Variants in CHRNB4 observed in about 807,000 individuals in gnomAD.
CHRNB4 encodes cholinergic receptor nicotinic beta 4 subunit, also known as neuronal acetylcholine receptor subunit beta-4.
CHRNB4 carries 23 observed loss-of-function variants against 40.4 expected under a neutral mutation model. The ratio of observed to expected loss-of-function variants is 0.57; its 90% CI spans 0.41 to 0.81. The LOEUF (loss-of-function observed/expected upper bound fraction) is 0.81. Ranked by LOEUF, CHRNB4 falls within the 30% of genes least tolerant of loss-of-function variation. CHRNB4 has a pLI of 0.00. For synonymous variants in CHRNB4, 285 were observed against 274.4 expected, an observed-to-expected ratio of 1.04 and a Z score of -0.38; for missense variants, 568 against 670.6, an observed-to-expected ratio of 0.85 and a Z score of 1.69.
chr15:78,654,276 T>C (rs1477956940), intron 5 of CHRNB4, among the ~76,000 whole-genome samples: 1 of 152,246 alleles, frequency 6.6e-6, no homozygotes, highest in Non-Finnish European at 1.5e-5. Flanking sequence ...TAAGGGCAGA[T>C]GTTGATTTTT....
At chr15:78,625,870 T>G (rs1035919093) in intron 5 of CHRNB4, 1 of 152,338 alleles carries the variant, frequency 6.6e-6, no homozygotes, top group Non-Finnish European at 1.5e-5. Flanking sequence ...TCTTCTTAGA[T>G]CCTGCTGCGG....
rs562884014 is a variant in CHRNB4 at position 78,639,423 on chromosome 15, C to T, written c.55+1656G>A. 2.2e-4 allele frequency among the ~76,000 whole-genome samples: 34 copies of T among 152,212 alleles called. No individual in the cohort carries two copies. The South Asian group carries it at 6.4e-3, about 29-fold the overall frequency. The stretch of plus-strand genomic sequence containing the variant: ...ATGCCATTCTCCTACCTCAGCCTCC[C>T]GAGTAGCTGGGACTACAGGCGCCTG... On this transcript the variant is annotated intron_variant, in intron 1 of 5. Transcript: ENST00000261751.
At chr15:78,625,378 G>A in intron 5 of CHRNB4, 87 bp from the exon 6 acceptor site, 1 of 1,288,936 alleles carries the variant, frequency 7.8e-7, no homozygotes, top group East Asian at 2.3e-5. Context: ...TCTGGCCAGG[G>A]ACTCCACAGG....
intron 1 of CHRNB4, among the ~76,000 whole-genome samples, chr15:78,658,993 T>A (rs2054233542): frequency 2.0e-5 from 3 of 152,216 alleles, no homozygotes; most frequent in Admixed American, 2.0e-4. Context: ...TTTATTACTT[T>A]ATTCACATAC....
chr15:78,630,121 G>C (rs2053768917), intron 4 of CHRNB4, among the ~76,000 whole-genome samples, 176 bp from the exon 5 acceptor site: 1 of 148,526 alleles, frequency 6.7e-6, no homozygotes, highest in African/African-American at 2.5e-5. Context: ...GGTGGAGAGA[G>C]CCCTAACATC....
At chr15:78,627,578 C>G (rs1449776864) in intron 5 of CHRNB4, 1 of 152,144 alleles carries the variant, frequency 6.6e-6, no homozygotes, top group African/African-American at 2.4e-5. Context: ...AAGAATGAGA[C>G]GTCCACTTTT....
intron 5 of CHRNB4, among the ~76,000 whole-genome samples, chr15:78,654,858 G>A (rs1023518801): frequency 1.3e-5 from 2 of 152,108 alleles, no homozygotes; most frequent in Non-Finnish European, 2.9e-5. Flanking sequence ...AAGACCCCCT[G>A]TACTTCCTCC....
At chr15:78,654,770 C>T (rs1030865572) in intron 5 of CHRNB4, among the ~76,000 whole-genome samples, 2 of 152,134 alleles carry the variant, frequency 1.3e-5, no homozygotes, top group East Asian at 3.8e-4. Flanking sequence ...AAATGTTCAG[C>T]TAAATGAATT....
intron 7 of CHRNB4, among the ~76,000 whole-genome samples, chr15:78,646,665 C>A (rs913958843): frequency 9.2e-5 from 14 of 152,186 alleles, no homozygotes; most frequent in African/African-American, 3.1e-4. Flanking sequence ...AGGCAACTCT[C>A]CTGCATCTCT....
At position 78,629,087 on chromosome 15, in the gene CHRNB4, C is replaced by T. The variant is rs1179162508; in HGVS notation, c.1218G>A (p.Val406=). The change falls in exon 5 of 6, where the codon GTG becomes GTA. Residue 406 remains valine (V), a synonymous_variant. Transcript: ENST00000261751. This position sits in a 1 kb window ranked among gnomAD's most constrained non-coding sequence, Gnocchi z 6.8. ...ASKSPAGSTP[V]AIPRDFWLRS... Reference sequence around the variant, plus strand: ...GCAGCCAGAAATCCCTGGGGATAGCCACCGGGGTAGAGCCGGCTGGAGACT... The same window carrying T: ...GCAGCCAGAAATCCCTGGGGATAGCTACCGGGGTAGAGCCGGCTGGAGACT... The T allele has an allele frequency of 1.2e-6, 2 of 1,614,084 alleles. No homozygotes were observed. The highest frequency in any genetic ancestry group is 1.7e-6 in the Non-Finnish European group (2 of 1,180,046).
chr15:78,651,051 C>G (rs1320786181), intron 6 of CHRNB4, among the ~76,000 whole-genome samples: 2 of 152,038 alleles, frequency 1.3e-5, no homozygotes, highest in Non-Finnish European at 2.9e-5. Context: ...TGGCACAGGT[C>G]CAGTTGAAGG....
chr15:78,628,589 G>A (rs1294066525), intron 5 of CHRNB4, among the ~76,000 whole-genome samples: 1 of 152,074 alleles, frequency 6.6e-6, no homozygotes, highest in African/African-American at 2.4e-5. Context: ...GTTCCCACGG[G>A]TCTGCAAGGG....
rs1216370879 is a variant in CHRNB4, at chr15:78,625,184, G to A, written c.1446C>T (p.Leu482=). The change falls in exon 6 of 6, where the codon CTC becomes CTT. Residue 482 remains leucine, a synonymous_variant. Coordinates refer to ENST00000261751, the MANE Select transcript of CHRNB4 (RefSeq NM_000750.5). The part of the protein sequence containing the change: ...LGTVGLFLPP[L]FQTHAASEGP... ...CCTCAGAAGCTGCATGGGTCTGGAA[G>A]AGGGGCGGTAGGAAGAGCCCCACAG... 2 of 1,612,208 alleles carry A rather than the reference G, an allele frequency of 1.2e-6. No individual in the cohort carries two copies. Among genetic ancestry groups the A allele is most frequent in the Admixed American group, 1.7e-5 (1 of 59,462 alleles).
At chr15:78,633,645 C>T (rs907010435) in intron 2 of CHRNB4, among the ~76,000 whole-genome samples, 1 of 152,154 alleles carries the variant, frequency 6.6e-6, no homozygotes, top group Non-Finnish European at 1.5e-5. Flanking sequence ...CCCTGCATAC[C>T]CCCGATCTCT....
chr15:78,660,067 C>G (rs1224308878), intron 1 of CHRNB4, among the ~76,000 whole-genome samples: 3 of 151,918 alleles, frequency 2.0e-5, no homozygotes, highest in Admixed American at 1.3e-4. Flanking sequence ...ATTAGCCAGG[C>G]GTGTTGGTGT....
chr15:78,629,437 G>C lies in CHRNB4; in HGVS notation c.868C>G (p.Leu290Val). 6.2e-7 allele frequency: 1 copy of C among 1,614,130 alleles called. No individual in the cohort carries two copies. The highest frequency in any genetic ancestry group is 8.5e-7 in the Non-Finnish European group (1 of 1,179,986). ...TACTTGCCGATGAGAGGCACATCGA[G>C]GGAGGTGGGTGGCACGATCTTGGAG... The part of the protein sequence containing the change: ...LISKIVPPTS[L>V]DVPLIGKYLM... The change falls in exon 5 of 6, where the codon CTC becomes GTC. Residue 290 changes from leucine to valine, a missense_variant. Physicochemically the swap from Leu to Val is conservative, Grantham distance 32. Around this residue, in one of 4 missense-constraint regions of CHRNB4, gnomAD observed 38 missense variants for 80.3 expected, o/e 0.47. Coordinates refer to ENST00000261751, the MANE Select transcript of CHRNB4 (RefSeq NM_000750.5). This position sits in a 1 kb window ranked among gnomAD's most constrained non-coding sequence, Gnocchi z 6.8.
intron 2 of CHRNB4, among the ~76,000 whole-genome samples, chr15:78,633,870 A>G (rs2053888299): frequency 6.7e-6 from 1 of 148,158 alleles, no homozygotes; most frequent in African/African-American, 2.5e-5. Context: ...TCAGCAGAGG[A>G]AACAGTGCTG....
At chr15:78,661,630 A>G, upstream of CHRNB4, 1 of 460,130 alleles carries the variant, frequency 2.2e-6, no homozygotes, top group Non-Finnish European at 4.3e-6. Context: ...CTGCTCGGCC[A>G]GTTCCGGAAA....
At chr15:78,645,393 C>G (rs780120107), upstream of CHRNB4, among the ~76,000 whole-genome samples, 35 of 152,140 alleles carry the variant, frequency 2.3e-4, no homozygotes, top group Non-Finnish European at 4.9e-4. Flanking sequence ...TCTCTTGTTT[C>G]TAGGGACCTC....
Sources: gnomAD v4.1 joint callset for allele counts (sites outside exome capture counted in the v4.1 genomes callset) on GRCh38, gnomAD v4.1.1 for gene constraint, gnomAD v4.1.1 regional missense constraint, Gnocchi (gnomAD v3.1) non-coding constraint, MANE v1.5 for transcripts, NCBI Gene and HGNC (gene_info 2026-07-23, HGNC 2026-07-21) for gene names.